The following MYO3B variants were observed in gnomAD, a reference collection of about 807,000 sequenced individuals.
MYO3B encodes myosin IIIB, also known as myosin-IIIb.
MYO3B carries 156 observed loss-of-function variants against 174.6 expected under a neutral mutation model. That is an observed-to-expected ratio of 0.89 (90% CI 0.78 to 1.02). The LOEUF is 1.02. Among genes scored for constraint, MYO3B ranks in the 50% least tolerant of loss-of-function variants. The pLI is 0.00. For missense variants in MYO3B, 1,632 were observed against 1,639.4 expected (o/e 1.00, Z 0.08); for synonymous variants, 563 against 569.1 (o/e 0.99, Z 0.15).
chr2:170,500,395 G>C (rs1687183063), intron 27 of MYO3B, among the ~76,000 whole-genome samples: 1 of 152,148 alleles, frequency 6.6e-6, no homozygotes, highest in Non-Finnish European at 1.5e-5. Context: ...TTTCTTCCTG[G>C]GGTATGCATC....
intron 28 of MYO3B, among the ~76,000 whole-genome samples, chr2:170,504,780 C>T (rs1357060829): frequency 1.3e-5 from 2 of 152,148 alleles, no homozygotes; most frequent in African/African-American, 4.8e-5. Context: ...TTACTTTCAA[C>T]TGGGTGAGAA....
At chr2:170,572,515 T>C (rs1340281818) in intron 32 of MYO3B, among the ~76,000 whole-genome samples, 3 of 150,230 alleles carry the variant, frequency 2.0e-5, no homozygotes, top group African/African-American at 7.4e-5. Flanking sequence ...CTTGTGGAAC[T>C]GAGATGGGAG....
chr2:170,433,614 G>A (rs1456232366), intron 22 of MYO3B, among the ~76,000 whole-genome samples: 3 of 152,142 alleles, frequency 2.0e-5, no homozygotes, highest in Admixed American at 6.5e-5. Context: ...TTTTTGTGGG[G>A]TTTTTAGAAA....
At position 170,206,686 on chromosome 2, in the gene MYO3B, C is replaced by T. The variant is rs17496473; in HGVS notation, c.321+6402C>T. Among the ~76,000 whole-genome samples, 1 of 151,836 alleles carries T rather than the reference C, an allele frequency of 6.6e-6. No homozygotes were observed. Among genetic ancestry groups the T allele is most frequent in the Non-Finnish European group, 1.5e-5 (1 of 67,932 alleles). Reference sequence around the variant, plus strand: ...AGTTCAAGGCTTAGTCATTTGGGTACGTACTCAGTTTTTTAGGGCCTCTTC... The same window carrying T: ...AGTTCAAGGCTTAGTCATTTGGGTATGTACTCAGTTTTTTAGGGCCTCTTC... On this transcript the variant is annotated intron_variant, in intron 3 of 34. Transcript: ENST00000408978. The surrounding 1 kb of genome is among the most constrained non-coding windows in gnomAD (Gnocchi z 4.3).
At chr2:170,340,260 T>C (rs928166194) in intron 8 of MYO3B, 4 of 152,170 alleles carry the variant, frequency 2.6e-5, no homozygotes, top group Non-Finnish European at 5.9e-5. Flanking sequence ...TAGGACCTCA[T>C]CATCAGTGGT....
chr2:170,416,385 G>A (rs370100299), intron 22 of MYO3B, among the ~76,000 whole-genome samples: 31 of 152,016 alleles, frequency 2.0e-4, no homozygotes, highest in African/African-American at 4.1e-4. Flanking sequence ...TTAGCCAGGC[G>A]TGGTGGTGCA....
intron 25 of MYO3B, among the ~76,000 whole-genome samples, chr2:170,473,139 C>CTTTTTTTTTTTTTTTTTTTTTTTTTT (rs66837903): frequency 2.1e-5 from 2 of 96,440 alleles, no homozygotes; most frequent in Non-Finnish European, 4.3e-5. Flanking sequence ...TTTTTCTTTT[C>CTTTTTTTTTTTTTTTTTTTTTTTTTT]TTTTTTTTTT....
intron 8 of MYO3B, chr2:170,344,960 G>A (rs1422073386): frequency 1.3e-5 from 2 of 152,282 alleles, no homozygotes; most frequent in Non-Finnish European, 2.9e-5. Flanking sequence ...GGAAAGTAAG[G>A]ACAAGGTGGG....
chr2:170,499,577 T>A, intron 26 of MYO3B, 69 bp from the exon 27 acceptor site: 1 of 1,356,868 alleles, frequency 7.4e-7, no homozygotes, highest in South Asian at 1.2e-5. Context: ...TCATTTAGAA[T>A]ATGCTGTAGT....
intron 32 of MYO3B, chr2:170,601,732 C>A: frequency 1.3e-6 from 2 of 1,532,934 alleles, no homozygotes; most frequent in Non-Finnish European, 1.8e-6. Flanking sequence ...ATCAGGCTTT[C>A]CTTTAGCTCG....
At chr2:170,456,298 C>T (rs1327340469) in intron 23 of MYO3B, among the ~76,000 whole-genome samples, 1 of 152,182 alleles carries the variant, frequency 6.6e-6, no homozygotes, top group Non-Finnish European at 1.5e-5. Context: ...TGTTGACAGA[C>T]TGCAGCCCTT....
chr2:170,410,521 C>T (rs907548495), intron 22 of MYO3B, among the ~76,000 whole-genome samples: 7 of 143,816 alleles, frequency 4.9e-5, no homozygotes, highest in African/African-American at 1.5e-4. Context: ...GTGGAGGTTG[C>T]GGTGAGCCAA....
intron 25 of MYO3B, among the ~76,000 whole-genome samples, chr2:170,485,055 A>G (rs1575056380): frequency 6.6e-6 from 1 of 152,108 alleles, no homozygotes; most frequent in South Asian, 2.1e-4. Context: ...GGGTCCTTCA[A>G]GGAATATTTT....
chr2:170,380,881 C>G (rs2094330187), intron 9 of MYO3B, among the ~76,000 whole-genome samples: 1 of 152,088 alleles, frequency 6.6e-6, no homozygotes, highest in South Asian at 2.1e-4. Flanking sequence ...TTTGAGAGGC[C>G]AAGGTGGCAG....
At chr2:170,250,966 T>TG (rs1193802919) in intron 7 of MYO3B, among the ~76,000 whole-genome samples, 1 of 151,826 alleles carries the variant, frequency 6.6e-6, no homozygotes, top group African/African-American at 2.4e-5. Flanking sequence ...GAGGTTTATA[T>TG]GGGTACAGTT....
At chr2:170,254,233 G>A (rs1227833439) in intron 7 of MYO3B, among the ~76,000 whole-genome samples, 2 of 152,174 alleles carry the variant, frequency 1.3e-5, no homozygotes, top group Non-Finnish European at 2.9e-5. Flanking sequence ...ATTTAGATGG[G>A]CAGGAGGAGC....
intron 32 of MYO3B, among the ~76,000 whole-genome samples, chr2:170,553,138 A>T (rs1017233808): frequency 1.3e-5 from 2 of 152,182 alleles, no homozygotes; most frequent in Non-Finnish European, 2.9e-5. Flanking sequence ...CAGAGGAGAA[A>T]TGTGGGGTTG....
chr2:170,472,665 C>CTTTT lies in MYO3B; in HGVS notation c.3014+5956_3014+5959dup, dbSNP rs1158863313. Among the ~76,000 whole-genome samples the CTTTT allele has an allele frequency of 4.2e-5, 6 of 144,386 alleles. No homozygotes were observed. In the East Asian group the frequency reaches 1.2e-3, roughly 29 times the overall value. The allele number at this position is 144,386 out of a possible 152,430, so 94.7% of individuals were successfully genotyped here. On this transcript the variant is annotated intron_variant, in intron 25 of 34. Coordinates refer to ENST00000408978, the MANE Select transcript of MYO3B (RefSeq NM_138995.5). ...GAAGGCAGGGATATTTTTCAGCTCACTTTTTATCTATTTATTTATTTATTT... is the reference window on the plus strand; with the variant it reads ...GAAGGCAGGGATATTTTTCAGCTCACTTTTTTTTTATCTATTTATTTATTTATTT...
intron 3 of MYO3B, among the ~76,000 whole-genome samples, chr2:170,208,840 T>C (rs549169966): frequency 4.6e-5 from 7 of 152,298 alleles, no homozygotes; most frequent in Admixed American, 2.6e-4. Context: ...TACATAGGCC[T>C]TTTAGATTGG....
Sources: allele counts gnomAD v4.1 joint callset (sites outside exome capture counted in the v4.1 genomes callset), GRCh38; gene constraint gnomAD v4.1.1; non-coding constraint Gnocchi (gnomAD v3.1); transcripts MANE v1.5; gene names NCBI Gene and HGNC (gene_info 2026-07-23, HGNC 2026-07-21).